LRMDA: variants seen among roughly 807,000 people sequenced by gnomAD.
LRMDA encodes the protein leucine rich melanocyte differentiation associated.
LRMDA carries 18 observed loss-of-function variants against 29.8 expected under a neutral mutation model. That is an observed-to-expected ratio of 0.60 (90% CI 0.42 to 0.90). LRMDA has a LOEUF of 0.90. Ranked by LOEUF, LRMDA falls within the 40% of genes least tolerant of loss-of-function variation. The probability of loss-of-function intolerance (pLI) is 0.00; values close to 1 mark genes in which losing one functional copy is unlikely to be tolerated. For synonymous variants in LRMDA, 125 were observed against 109.4 expected (o/e 1.14, Z -0.89); for missense variants, 273 against 273.9 (o/e 1.00, Z 0.02).
At chr10:75,443,756 A>C (rs530218664) in intron 2 of LRMDA, among the ~76,000 whole-genome samples, 9 of 152,234 alleles carry the variant, frequency 5.9e-5, no homozygotes, top group Non-Finnish European at 1.3e-4. Flanking sequence ...GTGTTTGAGA[A>C]GGATTGATGT....
chr10:75,731,449 G>C (rs1223906142), intron 2 of LRMDA, among the ~76,000 whole-genome samples: 1 of 152,208 alleles, frequency 6.6e-6, no homozygotes, highest in Non-Finnish European at 1.5e-5. Flanking sequence ...GCTCCATGAA[G>C]TAGAACGTTG....
At chr10:76,223,646 T>G (rs1184045240) in intron 5 of LRMDA, among the ~76,000 whole-genome samples, 3 of 150,710 alleles carry the variant, frequency 2.0e-5, no homozygotes, top group Non-Finnish European at 4.4e-5. Context: ...TTTGGCCCTG[T>G]GAGGATGCAA....
At chr10:76,186,569 G>T (rs1851153509) in intron 5 of LRMDA, among the ~76,000 whole-genome samples, 1 of 152,192 alleles carries the variant, frequency 6.6e-6, no homozygotes. Flanking sequence ...AGCTCTGGTG[G>T]GTTAGGACCA....
chr10:76,527,622 T>A (rs1401438925), intron 6 of LRMDA, among the ~76,000 whole-genome samples: 1 of 152,164 alleles, frequency 6.6e-6, no homozygotes, highest in Non-Finnish European at 1.5e-5. Flanking sequence ...ATACATCTAC[T>A]TCATAGGGTT....
At chr10:75,740,177 A>G (rs191461954) in intron 2 of LRMDA, among the ~76,000 whole-genome samples, 6 of 152,364 alleles carry the variant, frequency 3.9e-5, no homozygotes, top group Admixed American at 6.5e-5. Flanking sequence ...AATAGGCTGT[A>G]GTTACATTCC....
rs115817062 is a variant in LRMDA, at chr10:75,913,706, C to G, written c.132-122302C>G. Among the ~76,000 whole-genome samples the G allele has an allele frequency of 4.8e-3, 726 of 152,178 alleles. 10 individuals are homozygous for G. The highest frequency in any genetic ancestry group is 0.017 in the African/African-American group (706 of 41,536). ...GGAGCCTTGGGCTCACCTGCCAGGC[C>G]CTGAGTGAGAAGCTCGAGGGCACAA... On this transcript the variant is annotated intron_variant, in intron 2 of 6. Coordinates refer to ENST00000611255, the MANE Select transcript of LRMDA (RefSeq NM_001305581.2).
At chr10:76,475,578 C>T (rs1382731691) in intron 6 of LRMDA, among the ~76,000 whole-genome samples, 1 of 152,060 alleles carries the variant, frequency 6.6e-6, no homozygotes, top group African/African-American at 2.4e-5. Context: ...CTCTCCACCC[C>T]AAATCAACAG....
chr10:76,010,982 G>A (rs1294233093), intron 2 of LRMDA, among the ~76,000 whole-genome samples: 1 of 152,256 alleles, frequency 6.6e-6, no homozygotes, highest in African/African-American at 2.4e-5. Context: ...ACCTGGTTTA[G>A]TAGATAAAAT....
intron 2 of LRMDA, among the ~76,000 whole-genome samples, chr10:75,862,473 A>T (rs916759810): frequency 2.0e-5 from 3 of 152,100 alleles, no homozygotes; most frequent in African/African-American, 7.2e-5. Context: ...CCATGAGGGG[A>T]GGTGACTGAG....
At chr10:75,774,363 A>G (rs1157728015) in intron 2 of LRMDA, among the ~76,000 whole-genome samples, 1 of 152,156 alleles carries the variant, frequency 6.6e-6, no homozygotes, top group African/African-American at 2.4e-5. Context: ...CTTTGTGTGT[A>G]TAATGTTTCA....
intron 1 of LRMDA, among the ~76,000 whole-genome samples, chr10:75,436,057 A>T (rs1303958156): frequency 3.0e-5 from 3 of 101,174 alleles, no homozygotes; most frequent in South Asian, 5.6e-4. Context: ...CCATCTCTTT[A>T]AAAAAAAAAA....
At chr10:75,923,526 C>T (rs1846062175) in intron 2 of LRMDA, among the ~76,000 whole-genome samples, 1 of 152,206 alleles carries the variant, frequency 6.6e-6, no homozygotes, top group African/African-American at 2.4e-5. Flanking sequence ...TCTCATAAAT[C>T]TCAGTCTCCG....
chr10:76,383,897 C>T (rs1841627241), intron 6 of LRMDA, among the ~76,000 whole-genome samples: 1 of 152,236 alleles, frequency 6.6e-6, no homozygotes, highest in African/African-American at 2.4e-5. Context: ...CAGCTACCCA[C>T]CAGTCACTTT....
At chr10:75,554,521 G>A (rs950825210) in intron 2 of LRMDA, among the ~76,000 whole-genome samples, 9 of 152,160 alleles carry the variant, frequency 5.9e-5, no homozygotes, top group Admixed American at 2.0e-4. Flanking sequence ...CTAGGTACTA[G>A]GAATGCAAAG....
intron 6 of LRMDA, among the ~76,000 whole-genome samples, chr10:76,468,564 A>G (rs894336551): frequency 4.6e-5 from 7 of 152,222 alleles, no homozygotes; most frequent in Admixed American, 2.6e-4. Context: ...ATTTACCACA[A>G]AGAAAACATT....
intron 2 of LRMDA, among the ~76,000 whole-genome samples, chr10:75,439,871 A>G (rs189283876): frequency 6.6e-6 from 1 of 152,218 alleles, no homozygotes; most frequent in African/African-American, 2.4e-5. Flanking sequence ...AGCTTCCCAG[A>G]GCAGACTTAG....
Position 75,917,779 on chromosome 10 carries a change from G to C in LRMDA, c.132-118229G>C, listed in dbSNP as rs1438890762. Among the ~76,000 whole-genome samples, 14 of 152,318 alleles carry C rather than the reference G, an allele frequency of 9.2e-5. No individual in the cohort carries two copies. The East Asian group carries it at 1.5e-3, about 17-fold the overall frequency. On this transcript the variant is annotated intron_variant, in intron 2 of 6. Transcript: ENST00000611255. ...ACAGAAGAAGTGAAGAGCTGACTTA[G>C]AGCACAGTGACCTTGGGCAAATAAA...
At chr10:75,942,757 G>T (rs780945030) in intron 2 of LRMDA, among the ~76,000 whole-genome samples, 1 of 152,122 alleles carries the variant, frequency 6.6e-6, no homozygotes, top group Non-Finnish European at 1.5e-5. Flanking sequence ...CCTGGTCTTT[G>T]TTTCTTTAGC....
intron 6 of LRMDA, among the ~76,000 whole-genome samples, chr10:76,399,217 A>C (rs1177082967): frequency 6.6e-6 from 1 of 152,202 alleles, no homozygotes; most frequent in African/African-American, 2.4e-5. Flanking sequence ...ATTATTATTT[A>C]CATGTCAGTG....
Sources: allele counts gnomAD v4.1 joint callset (sites outside exome capture counted in the v4.1 genomes callset), GRCh38; gene constraint gnomAD v4.1.1; transcripts MANE v1.5; gene names NCBI Gene and HGNC (gene_info 2026-07-23, HGNC 2026-07-21).